The following DLGAP1 variants were observed in gnomAD, a reference collection of about 807,000 sequenced individuals.
The protein encoded by DLGAP1 is disks large-associated protein 1.
In DLGAP1, 11 loss-of-function variants were observed where a neutral mutation model predicts 90.8. The ratio of observed to expected loss-of-function variants is 0.12; its 90% CI spans 0.08 to 0.20. The LOEUF (loss-of-function observed/expected upper bound fraction) is 0.20, where lower values mean the gene tolerates loss of function less well. Ranked by LOEUF, DLGAP1 falls within the 10% of genes least tolerant of loss-of-function variation. The pLI, the probability that DLGAP1 is intolerant of heterozygous loss-of-function variation, is 1.00. For synonymous variants in DLGAP1, 558 were observed against 540.7 expected (o/e 1.03, Z -0.44); for missense variants, 1,050 against 1,333.8 (o/e 0.79, Z 3.31).
At chr18:4,104,451 T>C (rs137962677) in intron 2 of DLGAP1, among the ~76,000 whole-genome samples, 10 of 152,306 alleles carry the variant, frequency 6.6e-5, no homozygotes, top group African/African-American at 9.6e-5. Flanking sequence ...ACTGCTAACA[T>C]CACTTATTTG....
At chr18:4,250,999 AC>A (rs532342606) in intron 1 of DLGAP1, among the ~76,000 whole-genome samples, 1 of 152,310 alleles carries the variant, frequency 6.6e-6, no homozygotes, top group South Asian at 2.1e-4. Context: ...TCACAAAAAC[AC>A]AAGAAGAATT....
intron 1 of DLGAP1, among the ~76,000 whole-genome samples, chr18:4,439,092 G>A (rs2083468479): frequency 6.6e-6 from 1 of 152,152 alleles, no homozygotes; most frequent in Non-Finnish European, 1.5e-5. Context: ...AGGAGAGACT[G>A]ACCTGCTGAG....
chr18:4,207,427 C>G (rs951413904), intron 1 of DLGAP1, among the ~76,000 whole-genome samples: 4 of 152,136 alleles, frequency 2.6e-5, no homozygotes, highest in African/African-American at 9.7e-5. Flanking sequence ...ATTACCGGAA[C>G]TACAATTCAA....
intron 1 of DLGAP1, among the ~76,000 whole-genome samples, chr18:4,245,528 T>C (rs1159214175): frequency 1.3e-5 from 2 of 152,166 alleles, no homozygotes; most frequent in Admixed American, 6.5e-5. Context: ...CCCTCAAAAG[T>C]ATTAATCTTA....
chr18:3,503,300 A>G (rs1841817402), intron 11 of DLGAP1, among the ~76,000 whole-genome samples: 1 of 152,248 alleles, frequency 6.6e-6, no homozygotes, highest in Non-Finnish European at 1.5e-5. Context: ...GTGAGAACAC[A>G]TTATCTCTAC....
intron 5 of DLGAP1, among the ~76,000 whole-genome samples, chr18:3,796,405 A>G (rs558764617): frequency 6.6e-6 from 1 of 152,236 alleles, no homozygotes; most frequent in Non-Finnish European, 1.5e-5. Context: ...GGGCTGTTTA[A>G]TAATCAAATG....
At chr18:3,916,422 G>C (rs2072146280) in intron 3 of DLGAP1, among the ~76,000 whole-genome samples, 1 of 152,042 alleles carries the variant, frequency 6.6e-6, no homozygotes, top group Admixed American at 6.6e-5. Context: ...TTCAAATGGG[G>C]ACTATGAAAA....
At chr18:4,413,585 T>C (rs1351941251) in intron 1 of DLGAP1, among the ~76,000 whole-genome samples, 5 of 152,198 alleles carry the variant, frequency 3.3e-5, no homozygotes, top group African/African-American at 9.6e-5. Flanking sequence ...CATCTCAGGA[T>C]TGAATTCTAG....
chr18:4,394,879 C>T (rs1237520010), intron 1 of DLGAP1, among the ~76,000 whole-genome samples: 2 of 152,176 alleles, frequency 1.3e-5, no homozygotes, highest in East Asian at 3.8e-4. Context: ...GCATGCTCAG[C>T]CTGCACAAGT....
intron 2 of DLGAP1, among the ~76,000 whole-genome samples, chr18:4,007,538 C>G (rs550508413): frequency 6.6e-6 from 1 of 152,180 alleles, no homozygotes; most frequent in African/African-American, 2.4e-5. Flanking sequence ...CACCTGTAAT[C>G]CCAGCTACTC....
In DLGAP1 at chr18:3,600,692, A is replaced by ATATAGATC. The variant is rs1555695274; in HGVS notation, c.1592-18445_1592-18444insGATCTATA. Among the ~76,000 whole-genome samples, 183 of 136,690 alleles carry ATATAGATC rather than the reference A, an allele frequency of 1.3e-3. 12 individuals carry two copies. The highest frequency in any genetic ancestry group is 5.1e-3 in the African/African-American group (174 of 34,046). The allele number at this position is 136,690 out of a possible 152,430, so 89.7% of individuals were successfully genotyped here. On this transcript the variant is annotated intron_variant, in intron 7 of 12. Transcript: ENST00000315677. ...GATCTATAGATATCTATAGAGATCT[A>ATATAGATC]TATAGATATCTATAGCTATATAGAT...
At chr18:3,674,296 A>AAAAAAATATAT (rs755076240) in intron 7 of DLGAP1, among the ~76,000 whole-genome samples, 2 of 128,992 alleles carry the variant, frequency 1.6e-5, no homozygotes, top group African/African-American at 6.5e-5. Flanking sequence ...ATAATATTAA[A>AAAAAAATATAT]ATATATATAT....
chr18:3,521,110 C>A (rs1214798218), intron 10 of DLGAP1, among the ~76,000 whole-genome samples: 10 of 152,138 alleles, frequency 6.6e-5, no homozygotes, highest in African/African-American at 2.4e-4. Context: ...TGTGTACTGA[C>A]CCCAGACGCT....
intron 2 of DLGAP1, among the ~76,000 whole-genome samples, chr18:4,061,313 T>C (rs1319431150): frequency 6.6e-6 from 1 of 152,166 alleles, no homozygotes; most frequent in African/African-American, 2.4e-5. Context: ...GGTTAAAGGA[T>C]TGTTTTAAGT....
At chr18:4,236,756 T>G (rs1369086459) in intron 1 of DLGAP1, among the ~76,000 whole-genome samples, 3 of 152,078 alleles carry the variant, frequency 2.0e-5, no homozygotes, top group East Asian at 3.9e-4. Flanking sequence ...AATTGTCTTT[T>G]CTAGCTGATT....
At chr18:4,240,800 C>A (rs1160086688) in intron 1 of DLGAP1, among the ~76,000 whole-genome samples, 1 of 152,168 alleles carries the variant, frequency 6.6e-6, no homozygotes, top group Non-Finnish European at 1.5e-5. Flanking sequence ...CAAATCTCTT[C>A]CAATGCATGC....
chr18:4,056,307 C>T (rs1041625296), intron 2 of DLGAP1, among the ~76,000 whole-genome samples: 6 of 152,166 alleles, frequency 3.9e-5, no homozygotes, highest in Admixed American at 1.3e-4. Context: ...CTCCTAAGAG[C>T]GCTAGCACTG....
chr18:3,771,577 T>A lies in DLGAP1; in HGVS notation c.1173-29065A>T, dbSNP rs1364799480. ...GACGTGCCGTGTGTACTGCGGGACTTGCATAATACCACTCTCCAAGTCAGG... is the reference window on the plus strand; with the variant it reads ...GACGTGCCGTGTGTACTGCGGGACTAGCATAATACCACTCTCCAAGTCAGG... On this transcript the variant is annotated intron_variant, in intron 5 of 12. Coordinates refer to ENST00000315677, the MANE Select transcript of DLGAP1 (RefSeq NM_004746.4). The A allele has an allele frequency of 2.0e-5, 3 of 152,278 alleles. No homozygotes were observed. In the East Asian group the frequency reaches 5.8e-4, roughly 29 times the overall value. The allele number at this position is 152,278 out of a possible 1,614,324, so 9.4% of individuals were successfully genotyped here.
At chr18:4,436,733 C>T (rs566578989) in intron 1 of DLGAP1, among the ~76,000 whole-genome samples, 13 of 152,228 alleles carry the variant, frequency 8.5e-5, no homozygotes, top group African/African-American at 2.2e-4. Context: ...TAAATGTTGA[C>T]GGGTAAGTTC....
Sources: gnomAD v4.1 joint callset for allele counts (sites outside exome capture counted in the v4.1 genomes callset) on GRCh38, gnomAD v4.1.1 for gene constraint, MANE v1.5 for transcripts, NCBI Gene and HGNC (gene_info 2026-07-23, HGNC 2026-07-21) for gene names.